Variants in DKK2 observed in about 807,000 individuals in gnomAD.
DKK2 encodes dickkopf Wnt signaling pathway inhibitor 2.
DKK2 carries 11 observed loss-of-function variants against 28.1 expected under a neutral mutation model. The observed-to-expected ratio is 0.39, with a 90% CI of 0.25 to 0.65. The LOEUF is 0.65. Among genes scored for constraint, DKK2 ranks in the 30% least tolerant of loss-of-function variants. DKK2 has a pLI of 0.47. For missense variants in DKK2, 326 were observed against 335.5 expected, an observed-to-expected ratio of 0.97 and a Z score of 0.22; for synonymous variants, 135 against 126.5, an observed-to-expected ratio of 1.07 and a Z score of -0.45.
chr4:106,976,324 A>G (rs756503069), intron 1 of DKK2, among the ~76,000 whole-genome samples: 1 of 152,156 alleles, frequency 6.6e-6, no homozygotes, highest in Non-Finnish European at 1.5e-5. Flanking sequence ...CGATCTGTCT[A>G]ATATTGACAG....
chr4:107,012,063 C>T (rs1451287600), intron 1 of DKK2, among the ~76,000 whole-genome samples: 1 of 151,250 alleles, frequency 6.6e-6, no homozygotes, highest in Non-Finnish European at 1.5e-5. Context: ...CTAGATATAG[C>T]TTGCCATTTA....
intron 1 of DKK2, among the ~76,000 whole-genome samples, chr4:107,009,682 G>T (rs1273974026): frequency 1.3e-5 from 2 of 151,700 alleles, no homozygotes; most frequent in African/African-American, 4.8e-5. Flanking sequence ...CTTGCAGCTG[G>T]GGGAGGGCAA....
At chr4:106,969,823 A>G (rs1044706220) in intron 1 of DKK2, among the ~76,000 whole-genome samples, 1 of 152,098 alleles carries the variant, frequency 6.6e-6, no homozygotes, top group African/African-American at 2.4e-5. Context: ...TAAATAGGTC[A>G]GATATCTACC....
chr4:106,954,743 G>A (rs752126701), intron 1 of DKK2, among the ~76,000 whole-genome samples: 3 of 152,000 alleles, frequency 2.0e-5, no homozygotes, highest in Non-Finnish European at 2.9e-5. Context: ...GGATGGTCTC[G>A]AACTCCTGAC....
At chr4:107,029,919 T>A (rs1723851307) in intron 1 of DKK2, among the ~76,000 whole-genome samples, 1 of 152,146 alleles carries the variant, frequency 6.6e-6, no homozygotes, top group Non-Finnish European at 1.5e-5. Flanking sequence ...TAACATTTTT[T>A]TAAAAATTGA....
chr4:106,966,040 G>T (rs917111132), intron 1 of DKK2, among the ~76,000 whole-genome samples: 2 of 151,864 alleles, frequency 1.3e-5, no homozygotes, highest in East Asian at 1.9e-4. Context: ...ATTGTGAATA[G>T]TGCCGCAATA....
chr4:107,032,403 A>T (rs1259591269), intron 1 of DKK2, among the ~76,000 whole-genome samples: 3 of 152,110 alleles, frequency 2.0e-5, no homozygotes, highest in African/African-American at 7.2e-5. Flanking sequence ...CCTATGGAAC[A>T]AGTAGAATTC....
chr4:106,982,812 G>A (rs2051757), intron 1 of DKK2, among the ~76,000 whole-genome samples: 25,299 of 150,608 alleles, frequency 0.17, 2,560 homozygotes, highest in East Asian at 0.42. Context: ...GCTAAGGTGG[G>A]AGGATTGTTT....
chr4:107,020,663 A>C (rs1183055401), intron 1 of DKK2, among the ~76,000 whole-genome samples: 2 of 152,138 alleles, frequency 1.3e-5, no homozygotes, highest in Admixed American at 1.3e-4. Flanking sequence ...TTGTAGAATA[A>C]TTAAATCAAG....
chr4:106,958,393 T>C (rs1722634600), intron 1 of DKK2, among the ~76,000 whole-genome samples: 1 of 152,082 alleles, frequency 6.6e-6, no homozygotes. Context: ...ATAATTACTG[T>C]CCGTTCATGT....
At chr4:106,964,864 TC>T (rs1722744321) in intron 1 of DKK2, among the ~76,000 whole-genome samples, 1 of 151,912 alleles carries the variant, frequency 6.6e-6, no homozygotes, top group Admixed American at 6.6e-5. Context: ...GACTTGTCAG[TC>T]CCACAATCAT....
chr4:106,949,569 G>A (rs1430955053), intron 1 of DKK2, among the ~76,000 whole-genome samples: 1 of 152,120 alleles, frequency 6.6e-6, no homozygotes, highest in African/African-American at 2.4e-5. Flanking sequence ...CACTGACTGA[G>A]AGGCAGAATT....
intron 3 of DKK2, 90 bp from the exon 4 acceptor site, chr4:106,924,294 C>G: frequency 2.0e-6 from 3 of 1,476,970 alleles, no homozygotes; most frequent in Non-Finnish European, 2.7e-6. Context: ...AATATTTTTA[C>G]TTATACTATC....
At chr4:106,964,012 T>C (rs986683349) in intron 1 of DKK2, among the ~76,000 whole-genome samples, 1 of 152,332 alleles carries the variant, frequency 6.6e-6, no homozygotes, top group Admixed American at 6.5e-5. Context: ...CTGTATTATG[T>C]TGCATTTTTC....
chr4:106,939,135 T>A (rs2110342948), intron 1 of DKK2, among the ~76,000 whole-genome samples: 2 of 152,236 alleles, frequency 1.3e-5, no homozygotes, highest in East Asian at 3.9e-4. Flanking sequence ...GAGAAGGAAA[T>A]AAAGGGCATT....
chr4:106,985,441 A>G (rs76131503), intron 1 of DKK2, among the ~76,000 whole-genome samples: 2,941 of 152,158 alleles, frequency 0.019, 42 homozygotes, highest in Middle Eastern at 0.037. Flanking sequence ...AGTGAAGGGT[A>G]CACCGGATGT....
At chr4:106,970,433 G>A (rs1454326760) in intron 1 of DKK2, among the ~76,000 whole-genome samples, 1 of 152,072 alleles carries the variant, frequency 6.6e-6, no homozygotes, top group Admixed American at 6.6e-5. Context: ...CATACAGTAT[G>A]TGAAATCCCC....
chr4:106,938,941 A>G (rs561932535), intron 1 of DKK2, among the ~76,000 whole-genome samples: 2 of 151,838 alleles, frequency 1.3e-5, no homozygotes, highest in East Asian at 3.9e-4. Context: ...TCAATAAATT[A>G]GGTATTGATG....
intron 1 of DKK2, among the ~76,000 whole-genome samples, chr4:107,003,973 T>C (rs965537124): frequency 1.3e-5 from 2 of 152,178 alleles, no homozygotes; most frequent in East Asian, 3.9e-4. Flanking sequence ...CATTTACTCT[T>C]GTTTATGAGA....
Sources: allele counts gnomAD v4.1 joint callset (sites outside exome capture counted in the v4.1 genomes callset), GRCh38; gene constraint gnomAD v4.1.1; transcripts MANE v1.5; gene names NCBI Gene and HGNC (gene_info 2026-07-23, HGNC 2026-07-21).